Variants in HUNK observed in about 807,000 individuals in gnomAD.
HUNK encodes hormonally up-regulated Neu-associated kinase.
HUNK carries 21 observed loss-of-function variants against 61.0 expected under a neutral mutation model. The ratio of observed to expected loss-of-function variants is 0.34; its 90% CI spans 0.24 to 0.50. The LOEUF is 0.50. HUNK is among the 20% of genes least tolerant of loss of function. The pLI is 0.98. For missense variants in HUNK, 772 were observed against 945.7 expected (o/e 0.82, Z 2.41); for synonymous variants, 371 against 386.1 (o/e 0.96, Z 0.46).
At chr21:31,959,646 T>C (rs934568725) in intron 5 of HUNK, among the ~76,000 whole-genome samples, 1 of 152,230 alleles carries the variant, frequency 6.6e-6, no homozygotes, top group African/African-American at 2.4e-5. Context: ...TTGGCTTTGA[T>C]GAGCATTTAA....
intron 1 of HUNK, among the ~76,000 whole-genome samples, chr21:31,892,203 AGAGAGAGT>A (rs1405830925): frequency 7.0e-4 from 99 of 140,956 alleles, no homozygotes; most frequent in Middle Eastern, 7.4e-3. Flanking sequence ...AGAGAGAGAG[AGAGAGAGT>A]GTGTGTGTGT....
intron 6 of HUNK, among the ~76,000 whole-genome samples, chr21:31,971,221 G>C (rs979755578): frequency 5.3e-5 from 8 of 152,104 alleles, no homozygotes; most frequent in Non-Finnish European, 1.2e-4. Context: ...TGGGATTAGT[G>C]CCACCACGCC....
intron 1 of HUNK, among the ~76,000 whole-genome samples, chr21:31,907,446 T>G (rs933904054): frequency 7.9e-5 from 12 of 152,314 alleles, no homozygotes; most frequent in Middle Eastern, 3.4e-3. Context: ...AGATCTTGGT[T>G]GGATGGCACT....
At chr21:31,886,818 G>A (rs1028320921) in intron 1 of HUNK, among the ~76,000 whole-genome samples, 8 of 152,096 alleles carry the variant, frequency 5.3e-5, no homozygotes, top group Admixed American at 3.9e-4. Flanking sequence ...GCTAATTTTT[G>A]TATTTTTAGT....
intron 8 of HUNK, among the ~76,000 whole-genome samples, chr21:31,985,912 T>C (rs919884151): frequency 3.3e-5 from 5 of 152,082 alleles, no homozygotes; most frequent in Non-Finnish European, 5.9e-5. Flanking sequence ...GCAGGAATGG[T>C]GGGCCTTAGC....
rs76979418 is a variant in HUNK, at chr21:31,903,983, A to G, written c.262-20485A>G. Among the ~76,000 whole-genome samples the G allele has an allele frequency of 4.3e-3, 658 of 152,334 alleles. 1 individual carries two copies. Among genetic ancestry groups the G allele is most frequent in the African/African-American group, 0.015 (609 of 41,582 alleles). On this transcript the variant is annotated intron_variant, in intron 1 of 10. Coordinates refer to ENST00000270112, the MANE Select transcript of HUNK (RefSeq NM_014586.2). ...CTGTTTAAGAAAACTAAACAAAATC[A>G]ACTAAAGAAATAGCCCACTTGCTGG...
rs977706258 is a variant in HUNK at position 31,992,996 on chromosome 21, AG to A, written c.1306-2770del. ...ATCACTGATTCTTTTCAGCTGGAGA[AG>A]GATATGCTAGGGGTTCTTGGAGGAC... On this transcript the variant is annotated intron_variant, in intron 9 of 10. Transcript: ENST00000270112. 7.9e-5 allele frequency among the ~76,000 whole-genome samples: 12 copies of A among 152,306 alleles called. 1 individual carries two copies. The highest frequency in any genetic ancestry group is 2.9e-4 in the African/African-American group (12 of 41,578).
chr21:31,980,326 T>A (rs1453022961), intron 7 of HUNK, among the ~76,000 whole-genome samples: 1 of 151,266 alleles, frequency 6.6e-6, no homozygotes, highest in Non-Finnish European at 1.5e-5. Flanking sequence ...CGCATCGGCC[T>A]CCCAAAGTGC....
At chr21:31,950,571 C>T (rs774389239) in intron 4 of HUNK, among the ~76,000 whole-genome samples, 2 of 152,158 alleles carry the variant, frequency 1.3e-5, no homozygotes, top group South Asian at 4.1e-4. Flanking sequence ...CATAAAACTT[C>T]AGCACCTTTT....
At chr21:31,994,310 C>T (rs552611089) in intron 9 of HUNK, among the ~76,000 whole-genome samples, 20 of 152,344 alleles carry the variant, frequency 1.3e-4, no homozygotes, top group East Asian at 3.9e-4. Context: ...CCACGAGGCT[C>T]AGCATCCCCA....
At chr21:31,979,729 A>C (rs888941680) in intron 7 of HUNK, among the ~76,000 whole-genome samples, 18 of 151,196 alleles carry the variant, frequency 1.2e-4, no homozygotes, top group Non-Finnish European at 2.2e-4. Context: ...GTTAGCCAGG[A>C]TGGTCTCAAT....
rs1465222350 is a variant in HUNK, at chr21:31,998,683, C to T, written c.1644C>T (p.Pro548=). The change falls in exon 11 of 11, where the codon CCC becomes CCT. Residue 548 remains proline, a synonymous_variant. Transcript: ENST00000270112. The stretch of plus-strand genomic sequence containing the variant: ...CAGGGCCCGGAAGCACTGGCATCCC[C>T]CACAAGGAAGACCCCCTGATGCTGG... ...HQPGPGSTGI[P]HKEDPLMLDM... 1 of 1,614,146 alleles carries T rather than the reference C, an allele frequency of 6.2e-7. No individual in the cohort carries two copies. The highest frequency in any genetic ancestry group is 2.2e-5 in the East Asian group (1 of 44,864).
intron 8 of HUNK, among the ~76,000 whole-genome samples, chr21:31,986,830 G>A (rs1392205357): frequency 6.6e-6 from 1 of 152,098 alleles, no homozygotes; most frequent in African/African-American, 2.4e-5. Flanking sequence ...GGCACCTGCT[G>A]TTCCCTGACC....
At chr21:31,970,562 G>A (rs1601404099) in intron 6 of HUNK, among the ~76,000 whole-genome samples, 2 of 152,278 alleles carry the variant, frequency 1.3e-5, no homozygotes. Context: ...ATGGAGAGCA[G>A]CACGCAGGTA....
At chr21:31,897,516 A>G (rs1213676007) in intron 1 of HUNK, among the ~76,000 whole-genome samples, 4 of 152,174 alleles carry the variant, frequency 2.6e-5, no homozygotes, top group Non-Finnish European at 4.4e-5. Flanking sequence ...CATTTAATAA[A>G]GACACAATCA....
At chr21:31,899,639 A>G (rs1189299637) in intron 1 of HUNK, among the ~76,000 whole-genome samples, 7 of 152,058 alleles carry the variant, frequency 4.6e-5, no homozygotes, top group Non-Finnish European at 5.9e-5. Flanking sequence ...TGTGTTCTAA[A>G]CCAAACTCGT....
At chr21:31,879,041 A>G (rs1336132405) in intron 1 of HUNK, among the ~76,000 whole-genome samples, 1 of 152,266 alleles carries the variant, frequency 6.6e-6, no homozygotes, top group Non-Finnish European at 1.5e-5. Context: ...GCCAGTAATC[A>G]TGCTTAGAGC....
Position 31,958,956 on chromosome 21 carries a change from C to CAGG in HUNK, c.860_861insAGG (p.Thr287_Gln288insGly). 6.2e-7 allele frequency: 1 copy of CAGG among 1,606,982 alleles called. No individual in the cohort carries two copies. Among genetic ancestry groups the CAGG allele is most frequent in the Non-Finnish European group, 8.5e-7 (1 of 1,177,482 alleles). ...GACAAAGAAATGAACCCCCTCCCCA[C>CAGG]TCAGCTCTCCACAGGTAATGCACCA... On this transcript the variant is annotated inframe_insertion, in exon 5 of 11. Coordinates refer to ENST00000270112, the MANE Select transcript of HUNK (RefSeq NM_014586.2).
intron 3 of HUNK, among the ~76,000 whole-genome samples, chr21:31,944,703 CT>C (rs1350919085): frequency 3.9e-5 from 6 of 152,088 alleles, no homozygotes; most frequent in Non-Finnish European, 8.8e-5. Flanking sequence ...AAAAGAAGAG[CT>C]CAGTGTTTGG....
Sources: allele counts gnomAD v4.1 joint callset (sites outside exome capture counted in the v4.1 genomes callset), GRCh38; gene constraint gnomAD v4.1.1; transcripts MANE v1.5; gene names NCBI Gene and HGNC (gene_info 2026-07-23, HGNC 2026-07-21).